RBM41: variants seen among roughly 807,000 people sequenced by gnomAD.
RBM41 encodes RNA-binding protein 41.
A neutral mutation model predicts 30.8 loss-of-function variants in RBM41; 14 were observed. The observed-to-expected ratio is 0.45, with a 90% confidence interval of 0.30 to 0.71. RBM41 has a LOEUF of 0.71. Ranked by LOEUF, RBM41 falls within the 30% of genes least tolerant of loss-of-function variation. The pLI, the probability that RBM41 is intolerant of heterozygous loss-of-function variation, is 0.08. For synonymous variants in RBM41, 120 were observed against 110.1 expected, an observed-to-expected ratio of 1.09 and a Z score of -0.56; for missense variants, 276 against 326.3, an observed-to-expected ratio of 0.85 and a Z score of 1.19.
chrX:107,065,987 T>C lies in RBM41; in HGVS notation c.*1540A>G, dbSNP rs1935823286. Among the ~76,000 whole-genome samples, 1 of 112,481 alleles carries C rather than the reference T, an allele frequency of 8.9e-6. No individual in the cohort carries two copies. Among genetic ancestry groups the C allele is most frequent in the African/African-American group, 3.2e-5 (1 of 30,993 alleles). On this transcript the variant is annotated 3_prime_UTR_variant, in exon 8 of 8. Coordinates refer to ENST00000685964, the MANE Select transcript of RBM41 (RefSeq NM_001324242.2). ...GCTTTCAGGCTGAAGAACTTCCTTT[T>C]GTATTTCCAGCAAGTCAGGTCTGCC...
intron 1 of RBM41, among the ~76,000 whole-genome samples, chrX:107,117,929 G>C (rs1386729987): frequency 9.0e-6 from 1 of 111,230 alleles, no homozygotes; most frequent in Non-Finnish European, 1.9e-5. Context: ...ATTTCGCATG[G>C]AGGAGATATC....
intron 5 of RBM41, among the ~76,000 whole-genome samples, chrX:107,097,955 C>T (rs1360634604): frequency 9.0e-6 from 1 of 111,436 alleles, no homozygotes; most frequent in Non-Finnish European, 1.9e-5. Flanking sequence ...TGGAAATGTC[C>T]TAAAATTGGA....
chrX:107,098,833 T>C (rs1337967647), intron 5 of RBM41, among the ~76,000 whole-genome samples: 1 of 110,511 alleles, frequency 9.0e-6, no homozygotes, highest in Admixed American at 9.6e-5. Flanking sequence ...AAACCCCACC[T>C]CTACTAAAAA....
chrX:107,105,424 G>A (rs1251213414), intron 5 of RBM41, among the ~76,000 whole-genome samples: 7 of 106,290 alleles, frequency 6.6e-5, no homozygotes, highest in Middle Eastern at 4.7e-3. Context: ...AATCAATATC[G>A]TGAAAATGGC....
intron 6 of RBM41, among the ~76,000 whole-genome samples, chrX:107,083,302 G>T (rs1170396944): frequency 9.0e-6 from 1 of 110,747 alleles, no homozygotes; most frequent in Middle Eastern, 4.6e-3. Context: ...TTTCTATATA[G>T]GTAAAGTGTT....
At chrX:107,079,012 C>T (rs1455297698) in intron 6 of RBM41, among the ~76,000 whole-genome samples, 1 of 110,971 alleles carries the variant, frequency 9.0e-6, no homozygotes, top group East Asian at 2.8e-4. Context: ...TTTCCTGCCC[C>T]AGTATTAGAA....
chrX:107,081,843 G>T (rs1921551282), intron 6 of RBM41, among the ~76,000 whole-genome samples: 1 of 111,836 alleles, frequency 8.9e-6, no homozygotes, highest in Admixed American at 9.5e-5. Context: ...ATTGACTTTT[G>T]TGGATAAACC....
At chrX:107,087,377 C>G (rs1922126632) in intron 6 of RBM41, among the ~76,000 whole-genome samples, 1 of 108,596 alleles carries the variant, frequency 9.2e-6, no homozygotes, top group Non-Finnish European at 1.9e-5. Context: ...TATCCCTCAT[C>G]TAGAATGATT....
At chrX:107,090,109 C>T (rs1263503310) in intron 5 of RBM41, among the ~76,000 whole-genome samples, 1 of 112,057 alleles carries the variant, frequency 8.9e-6, no homozygotes, top group East Asian at 2.8e-4. Context: ...GGCGTGGTGG[C>T]TCATGCCTGC....
At chrX:107,087,857 C>A (rs1922179248) in intron 6 of RBM41, among the ~76,000 whole-genome samples, 1 of 112,477 alleles carries the variant, frequency 8.9e-6, no homozygotes, top group Admixed American at 9.4e-5. Flanking sequence ...CTGCCTCAGC[C>A]TCCCAAAGTG....
At chrX:107,105,566 T>C (rs1015282192) in intron 5 of RBM41, among the ~76,000 whole-genome samples, 4 of 110,847 alleles carry the variant, frequency 3.6e-5, no homozygotes, top group African/African-American at 9.9e-5. Context: ...GCCAAGTCAA[T>C]CCTAAGCCAA....
chrX:107,072,913 T>C (rs1002013551), intron 6 of RBM41, among the ~76,000 whole-genome samples: 8 of 110,211 alleles, frequency 7.3e-5, no homozygotes, highest in Admixed American at 6.8e-4. Flanking sequence ...CGTCAATAAG[T>C]GGTGCTGAGA....
chrX:107,054,562 T>A, the RBM41 span, among the ~76,000 whole-genome samples: 38 of 111,619 alleles, frequency 3.4e-4, no homozygotes, highest in African/African-American at 1.1e-3. Flanking sequence ...CCTTAATTAG[T>A]GTATATAATG....
intron 5 of RBM41, among the ~76,000 whole-genome samples, chrX:107,093,121 G>A (rs188406124): frequency 9.0e-6 from 1 of 111,480 alleles, no homozygotes; most frequent in African/African-American, 3.3e-5. Flanking sequence ...CAATAAATAA[G>A]GATTCCTCCC....
At chrX:107,111,318 T>G (rs771981488) in intron 5 of RBM41, among the ~76,000 whole-genome samples, 15 of 111,097 alleles carry the variant, frequency 1.4e-4, no homozygotes, top group Non-Finnish European at 2.8e-4. Flanking sequence ...ATCAGGGAAA[T>G]TGAAATCAAA....
intron 4 of RBM41, 22 bp downstream of exon 4, chrX:107,115,330 A>C: frequency 8.3e-7 from 1 of 1,200,358 alleles, no homozygotes. Flanking sequence ...AGAATATATC[A>C]AAGTCAGTGG....
chrX:107,087,927 T>TAGGAC (rs1266118373), intron 6 of RBM41, among the ~76,000 whole-genome samples: 2 of 112,131 alleles, frequency 1.8e-5, no homozygotes, highest in African/African-American at 6.5e-5. Context: ...TTAAAGCTTA[T>TAGGAC]AGGACCTTTT....
intron 5 of RBM41, 103 bp downstream of exon 5, chrX:107,113,294 C>A: frequency 1.1e-6 from 1 of 905,383 alleles, no homozygotes; most frequent in South Asian, 2.3e-5. Flanking sequence ...GGATCATTTC[C>A]TATAAACATT....
chrX:107,067,505 G>T lies in RBM41; in HGVS notation c.*22C>A. The T allele has an allele frequency of 8.5e-7, 1 of 1,181,024 alleles. No homozygotes were observed. Among genetic ancestry groups the T allele is most frequent in the African/African-American group, 1.8e-5 (1 of 57,056 alleles). On this transcript the variant is annotated 3_prime_UTR_variant, in exon 8 of 8. Coordinates refer to ENST00000685964, the MANE Select transcript of RBM41 (RefSeq NM_001324242.2). ...ATTCCAATTCAAGAAAGACCATCCAGGACCCACAATTTATATATATTCTAG... is the reference window on the plus strand; with the variant it reads ...ATTCCAATTCAAGAAAGACCATCCATGACCCACAATTTATATATATTCTAG...
Sources: gnomAD v4.1 joint callset for allele counts (sites outside exome capture counted in the v4.1 genomes callset) on GRCh38, gnomAD v4.1.1 for gene constraint, MANE v1.5 for transcripts, NCBI Gene and HGNC (gene_info 2026-07-23, HGNC 2026-07-21) for gene names.